The following ANO10 variants were observed in gnomAD, a reference collection of about 807,000 sequenced individuals.
ANO10 encodes the protein anoctamin 10.
ANO10 carries 77 observed loss-of-function variants against 74.7 expected under a neutral mutation model. That is an observed-to-expected ratio of 1.03 (90% CI 0.86 to 1.25). ANO10 has a LOEUF of 1.25. Among genes scored for constraint, ANO10 ranks in the 50% most tolerant of loss-of-function variants. The pLI, the probability that ANO10 is intolerant of heterozygous loss-of-function variation, is 0.00. For synonymous variants in ANO10, 279 were observed against 284.9 expected, an observed-to-expected ratio of 0.98 and a Z score of 0.21; for missense variants, 721 against 778.1, an observed-to-expected ratio of 0.93 and a Z score of 0.87.
upstream of ANO10, among the ~76,000 whole-genome samples, chr3:43,624,691 C>G (rs189674683): frequency 4.1e-4 from 63 of 152,276 alleles, no homozygotes; most frequent in Admixed American, 2.4e-3. Context: ...ATTACCCAGT[C>G]TCAGTTATTT....
intron 12 of ANO10, among the ~76,000 whole-genome samples, chr3:43,405,982 CA>C (rs1395997836): frequency 6.6e-6 from 1 of 152,114 alleles, no homozygotes; most frequent in Non-Finnish European, 1.5e-5. Context: ...TTATTTTAAC[CA>C]TTCTTGAAAG....
At chr3:43,461,341 CTCTA>C (rs2075369197) in intron 11 of ANO10, among the ~76,000 whole-genome samples, 1 of 152,276 alleles carries the variant, frequency 6.6e-6, no homozygotes, top group African/African-American at 2.4e-5. Flanking sequence ...GAATAGCTCC[CTCTA>C]TCTATTAAAG....
chr3:43,414,097 C>T lies in ANO10; in HGVS notation c.1914+18514G>A, dbSNP rs142151697. ...AGAATAAAGAAAGGATGCATGAGCA[C>T]CAGCAAAGATAAACAGAAGAAAAGG... On this transcript the variant is annotated intron_variant, in intron 12 of 12. Coordinates refer to ENST00000292246, the MANE Select transcript of ANO10 (RefSeq NM_018075.5). Among the ~76,000 whole-genome samples, 103 of 152,014 alleles carry T rather than the reference C, an allele frequency of 6.8e-4. 2 individuals carry two copies. Among genetic ancestry groups the T allele is most frequent in the African/African-American group, 2.1e-3 (85 of 41,442 alleles).
At chr3:43,457,864 T>A (rs2075205312) in intron 11 of ANO10, among the ~76,000 whole-genome samples, 5 of 151,934 alleles carry the variant, frequency 3.3e-5, no homozygotes, top group Admixed American at 2.6e-4. Flanking sequence ...ACATGGAGAG[T>A]TCTGCAGTGG....
intron 1 of ANO10, among the ~76,000 whole-genome samples, chr3:43,675,228 T>C (rs2084108221): frequency 6.6e-6 from 1 of 152,026 alleles, no homozygotes; most frequent in South Asian, 2.1e-4. Flanking sequence ...AAAAATTAAC[T>C]CAAAGTAGAT....
At chr3:43,546,107 C>A (rs969423483) in intron 11 of ANO10, among the ~76,000 whole-genome samples, 5 of 152,234 alleles carry the variant, frequency 3.3e-5, no homozygotes, top group African/African-American at 1.2e-4. Context: ...AGGGCCCTCT[C>A]AAATGTATGA....
chr3:43,604,958 T>C (rs1459093664), intron 2 of ANO10, among the ~76,000 whole-genome samples: 3 of 152,124 alleles, frequency 2.0e-5, no homozygotes, highest in Admixed American at 6.5e-5. Context: ...CTTCAGTTTA[T>C]AGTAACAGTT....
intron 1 of ANO10, among the ~76,000 whole-genome samples, chr3:43,627,485 C>G (rs1169685259): frequency 6.6e-6 from 1 of 152,246 alleles, no homozygotes; most frequent in African/African-American, 2.4e-5. Context: ...GATCAAGAAG[C>G]TGCCACAGTC....
chr3:43,690,961 A>G lies in ANO10; in HGVS notation c.-12+556T>C, dbSNP rs776320645. 3.9e-6 allele frequency: 6 copies of G among 1,557,116 alleles called. No homozygotes were observed. In the South Asian group the frequency reaches 5.8e-5, roughly 15 times the overall value. On this transcript the variant is annotated intron_variant, in intron 1 of 3. Coordinates refer to the ANO10 transcript ENST00000413397. ...CCAGTCGGCCTGTCAGCCGGCTTCGAGATAAGTCCCGGCGCTTGCGCGGCG... is the reference window on the plus strand; with the variant it reads ...CCAGTCGGCCTGTCAGCCGGCTTCGGGATAAGTCCCGGCGCTTGCGCGGCG...
chr3:43,581,926 GAA>G (rs200406253), intron 4 of ANO10, among the ~76,000 whole-genome samples: 1 of 117,324 alleles, frequency 8.5e-6, no homozygotes. Context: ...ACCTCATCTC[GAA>G]AAAAAAAAAG....
chr3:43,579,597 T>C (rs1294239958), intron 5 of ANO10, among the ~76,000 whole-genome samples: 1 of 152,098 alleles, frequency 6.6e-6, no homozygotes, highest in Non-Finnish European at 1.5e-5. Flanking sequence ...CACATGCCTG[T>C]AATCCCAGCT....
chr3:43,483,997 T>C (rs1436017668), intron 11 of ANO10, among the ~76,000 whole-genome samples: 3 of 152,088 alleles, frequency 2.0e-5, no homozygotes, highest in Non-Finnish European at 4.4e-5. Context: ...AGTGCAGTGG[T>C]GCAATCACAA....
At chr3:43,477,975 T>C (rs183656845) in intron 11 of ANO10, among the ~76,000 whole-genome samples, 2 of 152,308 alleles carry the variant, frequency 1.3e-5, no homozygotes, top group East Asian at 1.9e-4. Flanking sequence ...GGAAGTAGTC[T>C]CTGTTTTTTC....
chr3:43,552,643 C>T (rs1358411611), intron 10 of ANO10, among the ~76,000 whole-genome samples: 1 of 149,342 alleles, frequency 6.7e-6, no homozygotes, highest in Non-Finnish European at 1.5e-5. Flanking sequence ...CTTAGTTCGC[C>T]TGCATCTGAA....
At chr3:43,540,758 A>T (rs2078919030) in intron 11 of ANO10, among the ~76,000 whole-genome samples, 1 of 152,220 alleles carries the variant, frequency 6.6e-6, no homozygotes, top group South Asian at 2.1e-4. Flanking sequence ...GAATGGAGAG[A>T]GCTGGGTTAA....
At chr3:43,678,341 C>A (rs2084149535) in intron 1 of ANO10, among the ~76,000 whole-genome samples, 1 of 152,120 alleles carries the variant, frequency 6.6e-6, no homozygotes, top group South Asian at 2.1e-4. Context: ...ATTGTCTTAT[C>A]CCCACTTTCT....
chr3:43,675,966 A>G (rs896435947), intron 1 of ANO10, among the ~76,000 whole-genome samples: 19 of 152,242 alleles, frequency 1.2e-4, no homozygotes, highest in Non-Finnish European at 2.2e-4. Flanking sequence ...AAACCTGTAC[A>G]TAAATGTTTT....
At chr3:43,682,246 A>T (rs2084211822) in intron 1 of ANO10, among the ~76,000 whole-genome samples, 2 of 152,232 alleles carry the variant, frequency 1.3e-5, no homozygotes, top group Non-Finnish European at 2.9e-5. Context: ...GATAAAGGGG[A>T]TATCACCACT....
At chr3:43,453,182 T>C (rs906124333) in intron 11 of ANO10, among the ~76,000 whole-genome samples, 45 of 136,828 alleles carry the variant, frequency 3.3e-4, no homozygotes, top group African/African-American at 9.4e-4. Context: ...TTTCCCCCTT[T>C]TTTTTTTTTT....
Sources: gnomAD v4.1 joint callset for allele counts (sites outside exome capture counted in the v4.1 genomes callset) on GRCh38, gnomAD v4.1.1 for gene constraint, MANE v1.5 for transcripts, NCBI Gene and HGNC (gene_info 2026-07-23, HGNC 2026-07-21) for gene names.